The following NRG3 variants were observed in gnomAD, a reference collection of about 807,000 sequenced individuals.
NRG3 encodes the protein neuregulin 3, also known as pro-neuregulin-3, membrane-bound isoform.
Under a neutral mutation model 66.9 loss-of-function variants are expected in NRG3, and 31 were observed. The ratio of observed to expected loss-of-function variants is 0.46; its 90% CI spans 0.35 to 0.63. The LOEUF is 0.63. Ranked by LOEUF, NRG3 falls within the 20% of genes least tolerant of loss-of-function variation. The pLI, the probability that NRG3 is intolerant of heterozygous loss-of-function variation, is 0.00. For missense variants in NRG3, 910 were observed against 878.9 expected, an observed-to-expected ratio of 1.04 and a Z score of -0.45; for synonymous variants, 393 against 359.4, an observed-to-expected ratio of 1.09 and a Z score of -1.06.
In NRG3 at chr10:82,903,544, G is replaced by A. The variant is rs1040460605; in HGVS notation, c.1054+38107G>A. The stretch of plus-strand genomic sequence containing the variant: ...ACCGTGGATTGAGGCCTGCAGCTGC[G>A]GGTGCCTGCCATTTCAGACACAATT... On this transcript the variant is annotated intron_variant, in intron 4 of 8. Coordinates refer to ENST00000372141, the MANE Select transcript of NRG3 (RefSeq NM_001010848.4). Among the ~76,000 whole-genome samples, 8 of 151,946 alleles carry A rather than the reference G, an allele frequency of 5.3e-5. 1 individual carries two copies. The highest frequency in any genetic ancestry group is 6.6e-5 in the Admixed American group (1 of 15,254).
chr10:82,682,092 A>G (rs1027975299), intron 2 of NRG3, among the ~76,000 whole-genome samples: 2 of 152,238 alleles, frequency 1.3e-5, no homozygotes, highest in African/African-American at 2.4e-5. Context: ...TAGAATCAGA[A>G]GAAAATTTGG....
At chr10:82,032,155 G>A (rs1454139893) in intron 1 of NRG3, among the ~76,000 whole-genome samples, 3 of 149,892 alleles carry the variant, frequency 2.0e-5, no homozygotes, top group African/African-American at 4.9e-5. Flanking sequence ...TGATAAAAAT[G>A]TGTTAATTAT....
At chr10:82,317,737 C>G (rs911696163) in intron 1 of NRG3, among the ~76,000 whole-genome samples, 1 of 152,128 alleles carries the variant, frequency 6.6e-6, no homozygotes, top group Non-Finnish European at 1.5e-5. Flanking sequence ...TGAGACAAGT[C>G]TCAATCATTT....
At chr10:82,915,847 T>C (rs1374284932) in intron 4 of NRG3, among the ~76,000 whole-genome samples, 2 of 152,212 alleles carry the variant, frequency 1.3e-5, no homozygotes, top group Non-Finnish European at 2.9e-5. Flanking sequence ...TATACATGCA[T>C]TTTCAGTTTC....
intron 2 of NRG3, among the ~76,000 whole-genome samples, chr10:82,438,607 T>C (rs896140986): frequency 3.9e-5 from 6 of 152,198 alleles, no homozygotes; most frequent in African/African-American, 1.4e-4. Context: ...AGATTCCAGC[T>C]GAGAGGCTGT....
intron 1 of NRG3, among the ~76,000 whole-genome samples, chr10:81,986,664 G>T (rs1279151998): frequency 6.6e-6 from 1 of 151,976 alleles, no homozygotes; most frequent in Admixed American, 6.6e-5. Context: ...AAATTCATTG[G>T]CACAATGTCT....
At chr10:82,643,637 CA>C (rs1481124683) in intron 2 of NRG3, among the ~76,000 whole-genome samples, 17 of 151,912 alleles carry the variant, frequency 1.1e-4, no homozygotes, top group African/African-American at 4.1e-4. Context: ...TTTTGTATTC[CA>C]ATTTTATTAT....
At chr10:82,025,394 A>G (rs962311215) in intron 1 of NRG3, among the ~76,000 whole-genome samples, 1 of 151,372 alleles carries the variant, frequency 6.6e-6, no homozygotes, top group Non-Finnish European at 1.5e-5. Context: ...AAGTTTTAAC[A>G]TGTGTTCTAC....
At chr10:82,981,504 C>T (rs1233442738) in intron 8 of NRG3, among the ~76,000 whole-genome samples, 1 of 152,166 alleles carries the variant, frequency 6.6e-6, no homozygotes, top group Non-Finnish European at 1.5e-5. Context: ...CAGCTAAAGG[C>T]CGTCTTTAAA....
intron 1 of NRG3, among the ~76,000 whole-genome samples, chr10:82,240,324 G>T (rs1157539444): frequency 1.3e-5 from 2 of 151,984 alleles, no homozygotes; most frequent in Admixed American, 6.6e-5. Context: ...ATCATTAACA[G>T]ACTTTTATTT....
intron 1 of NRG3, among the ~76,000 whole-genome samples, chr10:82,088,512 C>G (rs1300998024): frequency 6.6e-6 from 1 of 152,112 alleles, no homozygotes; most frequent in East Asian, 1.9e-4. Context: ...GAATTGAAAG[C>G]CTTTCATGCA....
chr10:82,020,212 A>G (rs1393187460), intron 1 of NRG3, among the ~76,000 whole-genome samples: 1 of 152,192 alleles, frequency 6.6e-6, no homozygotes, highest in Admixed American at 6.6e-5. Flanking sequence ...GTCAATCAGA[A>G]CAGAGCCAAA....
At chr10:82,611,097 C>G (rs2133497442) in intron 2 of NRG3, among the ~76,000 whole-genome samples, 1 of 152,048 alleles carries the variant, frequency 6.6e-6, no homozygotes, top group East Asian at 1.9e-4. Context: ...CTATTTTACT[C>G]TGTCATCTCC....
intron 1 of NRG3, among the ~76,000 whole-genome samples, chr10:82,008,047 C>A (rs12246271): frequency 0.026 from 3,965 of 152,212 alleles, 186 homozygotes; most frequent in African/African-American, 0.09. Context: ...ATTTGCCAGG[C>A]ACAGCTGGTT....
intron 1 of NRG3, among the ~76,000 whole-genome samples, chr10:82,267,680 C>T (rs11193279): frequency 1.6e-3 from 250 of 152,276 alleles, no homozygotes; most frequent in Non-Finnish European, 2.9e-3. Flanking sequence ...CAATCTTTAC[C>T]ACTGATGTGT....
chr10:82,546,115 T>C (rs148432446), intron 2 of NRG3, among the ~76,000 whole-genome samples: 2 of 152,328 alleles, frequency 1.3e-5, no homozygotes, highest in South Asian at 2.1e-4. Flanking sequence ...GGATTTTGCA[T>C]GGCCACCTTG....
At chr10:82,802,490 C>T (rs1247771184) in intron 3 of NRG3, among the ~76,000 whole-genome samples, 3 of 152,050 alleles carry the variant, frequency 2.0e-5, no homozygotes. Context: ...CAGCAACTGC[C>T]AAGAACCTTG....
chr10:82,577,717 C>T (rs940048056), intron 2 of NRG3, among the ~76,000 whole-genome samples: 5 of 151,578 alleles, frequency 3.3e-5, no homozygotes, highest in East Asian at 1.9e-4. Context: ...CATGAATTTT[C>T]GGGATGATGC....
chr10:82,352,703 C>T (rs2083509854), intron 1 of NRG3, among the ~76,000 whole-genome samples: 1 of 152,098 alleles, frequency 6.6e-6, no homozygotes, highest in South Asian at 2.1e-4. Context: ...TGTGCAAAGG[C>T]CTGAGGGGAC....
Sources: allele counts gnomAD v4.1 joint callset (sites outside exome capture counted in the v4.1 genomes callset), GRCh38; gene constraint gnomAD v4.1.1; transcripts MANE v1.5; gene names NCBI Gene and HGNC (gene_info 2026-07-23, HGNC 2026-07-21).